Variants in KNDC1 observed in about 807,000 individuals in gnomAD.
KNDC1 encodes the protein kinase non-catalytic C-lobe domain containing 1.
KNDC1 carries 106 observed loss-of-function variants against 172.8 expected under a neutral mutation model. That is an observed-to-expected ratio of 0.61 (90% CI 0.52 to 0.72). The LOEUF is 0.72. Ranked by LOEUF, KNDC1 falls within the 30% of genes least tolerant of loss-of-function variation. KNDC1 has a pLI of 0.00. For synonymous variants in KNDC1, 1,083 were observed against 1,062.2 expected (o/e 1.02, Z -0.38); for missense variants, 2,325 against 2,394.5 (o/e 0.97, Z 0.61).
intron 17 of KNDC1, chr10:133,202,223 G>A (rs1350969800): frequency 4.8e-6 from 3 of 621,492 alleles, no homozygotes; most frequent in Non-Finnish European, 9.0e-6. Flanking sequence ...GCGTTCGGTC[G>A]TGTTTTCCGT....
intron 15 of KNDC1, 107 bp from the exon 16 acceptor site, chr10:133,200,268 A>G (rs1854321802): frequency 2.6e-6 from 2 of 782,390 alleles, no homozygotes; most frequent in Admixed American, 7.8e-5. Flanking sequence ...TGCCGCCTCC[A>G]GCGAGAGCTC....
At position 133,211,523 on chromosome 10, in the gene KNDC1, G is replaced by A. The variant is rs143908656; in HGVS notation, c.4010G>A (p.Arg1337Gln). The change falls in exon 22 of 30, where the codon CGG (arginine) becomes CAG (glutamine). Residue 1337 changes from arginine (R) to glutamine (Q), a missense_variant. Physicochemically the swap from Arg to Gln is conservative, Grantham distance 43. Transcript: ENST00000304613. The part of the protein sequence containing the change: ...VEDCYAVDFP[R>Q]NSGLLGKLED... Reference sequence around the variant, plus strand: ...GACTGCTACGCTGTGGACTTCCCTCGGAACAGCGGGCTGCTGGGGAAGCTA... The same window carrying A: ...GACTGCTACGCTGTGGACTTCCCTCAGAACAGCGGGCTGCTGGGGAAGCTA... 104 of 1,613,880 alleles carry A rather than the reference G, an allele frequency of 6.4e-5. No individual in the cohort carries two copies. Among genetic ancestry groups the A allele is most frequent in the Non-Finnish European group, 8.3e-5 (98 of 1,179,916 alleles).
In KNDC1 at chr10:133,208,354, C is replaced by G. The variant is rs1411769232; in HGVS notation, c.3794+1003C>G. ...AGGACCCTCTAGAGAGGGACGTGGC[C>G]CCCCCAACCCCGTTACCCCAAGGAC... On this transcript the variant is annotated intron_variant, in intron 20 of 29. Coordinates refer to ENST00000304613, the MANE Select transcript of KNDC1 (RefSeq NM_152643.8). Among the ~76,000 whole-genome samples the G allele has an allele frequency of 4.0e-4, 7 of 17,302 alleles. No individual in the cohort carries two copies. The East Asian group carries it at 0.017, about 43-fold the overall frequency. 11.4% of individuals were successfully genotyped at this position (17,302 alleles called of 152,430 possible).
At chr10:133,201,945 T>C in intron 17 of KNDC1, 47 bp downstream of exon 17, 1 of 1,519,546 alleles carries the variant, frequency 6.6e-7, no homozygotes, top group South Asian at 1.2e-5. Flanking sequence ...GGCGTCTCCT[T>C]CCAGCAGAGC....
intron 3 of KNDC1, among the ~76,000 whole-genome samples, chr10:133,180,778 G>A (rs539157504): frequency 1.6e-4 from 24 of 152,362 alleles, no homozygotes; most frequent in African/African-American, 5.3e-4. Context: ...CTACCTCAGC[G>A]GAGAAAGCAT....
intron 3 of KNDC1, among the ~76,000 whole-genome samples, chr10:133,173,727 G>A (rs1340023613): frequency 6.6e-6 from 1 of 152,240 alleles, no homozygotes; most frequent in African/African-American, 2.4e-5. Context: ...CAGAGCAGAG[G>A]TTGCGGTTTT....
In KNDC1 at chr10:133,197,604, G is replaced by A. The variant is rs537360801; in HGVS notation, c.1813-71G>A. On this transcript the variant is annotated intron_variant, in intron 11 of 29. Transcript: ENST00000304613. Reference sequence around the variant, plus strand: ...ACGGCACCGGCGGGTGGTGGGGGACGCCCTGTGGGTGTTGCCGGCGCTGGC... The same window carrying A: ...ACGGCACCGGCGGGTGGTGGGGGACACCCTGTGGGTGTTGCCGGCGCTGGC... 100 of 1,164,458 alleles carry A rather than the reference G, an allele frequency of 8.6e-5. 1 individual carries two copies. Among genetic ancestry groups the A allele is most frequent in the East Asian group, 5.8e-4 (25 of 42,810 alleles). The allele number at this position is 1,164,458 out of a possible 1,614,324, so 72.1% of individuals were successfully genotyped here. A position where few individuals can be genotyped will look rare whatever the true frequency, so the allele number is the denominator to read the frequency against.
chr10:133,175,791 T>G (rs1853518662), intron 3 of KNDC1, among the ~76,000 whole-genome samples: 1 of 150,156 alleles, frequency 6.7e-6, no homozygotes, highest in African/African-American at 2.5e-5. Context: ...GATGGGCTGA[T>G]GGATGGGTAG....
rs548871165 is a variant in KNDC1 at position 133,167,122 on chromosome 10, C to T, written c.103-259C>T. On this transcript the variant is annotated intron_variant, in intron 1 of 29. Coordinates refer to ENST00000304613, the MANE Select transcript of KNDC1 (RefSeq NM_152643.8). Reference sequence around the variant, plus strand: ...TGGCCGAGCCTCCGGGAGGAAGGCCCCGTGCCCAGGCTCCAGGAGCCGACA... The same window carrying T: ...TGGCCGAGCCTCCGGGAGGAAGGCCTCGTGCCCAGGCTCCAGGAGCCGACA... 2.0e-4 allele frequency: 104 copies of T among 532,686 alleles called. No homozygotes were observed. The Middle Eastern group carries it at 2.0e-3, about 10-fold the overall frequency. The allele number at this position is 532,686 out of a possible 1,614,324, so 33.0% of individuals were successfully genotyped here.
At chr10:133,188,405 T>A in intron 6 of KNDC1, 134 bp from the exon 7 acceptor site, 1 of 607,814 alleles carries the variant, frequency 1.6e-6, no homozygotes, top group Non-Finnish European at 3.0e-6. Context: ...CCCTAGCCCT[T>A]CTATCAGGTG....
chr10:133,212,046 A>G (rs979612258), intron 23 of KNDC1, among the ~76,000 whole-genome samples, 188 bp downstream of exon 23: 1 of 152,168 alleles, frequency 6.6e-6, no homozygotes, highest in African/African-American at 2.4e-5. Flanking sequence ...TGCACATCAC[A>G]CACATCCACA....
rs771905104 is a variant in KNDC1, at chr10:133,218,964, C to A, written c.4800+11C>A. 12 of 1,613,762 alleles carry A rather than the reference C, an allele frequency of 7.4e-6. No individual in the cohort carries two copies. The highest frequency in any genetic ancestry group is 9.3e-6 in the Non-Finnish European group (11 of 1,179,896). On this transcript the variant is annotated intron_variant, in intron 27 of 29. Coordinates refer to ENST00000304613, the MANE Select transcript of KNDC1 (RefSeq NM_152643.8). ...GTGAGGCAGTCCCCTGTGCGTCCCC[C>A]TCGGGCCCCAAGGCGGGGGTGGGTA...
At chr10:133,177,981 T>C (rs2135963527) in intron 3 of KNDC1, among the ~76,000 whole-genome samples, 2 of 150,836 alleles carry the variant, frequency 1.3e-5, no homozygotes, top group South Asian at 4.2e-4. Flanking sequence ...CGTGCATGTG[T>C]GTGCAGTGTG....
chr10:133,162,572 C>G (rs1348223013), intron 1 of KNDC1, among the ~76,000 whole-genome samples: 3 of 152,184 alleles, frequency 2.0e-5, no homozygotes, highest in Non-Finnish European at 4.4e-5. Context: ...TGACATGGTC[C>G]CAAAGAAAAT....
intron 10 of KNDC1, 130 bp from the exon 11 acceptor site, chr10:133,196,928 G>A: frequency 1.5e-6 from 1 of 687,522 alleles, no homozygotes. Flanking sequence ...CTGTAGTTGG[G>A]TGTCGGTGAG....
chr10:133,174,355 C>T (rs1367685059), intron 3 of KNDC1: 1 of 151,436 alleles, frequency 6.6e-6, no homozygotes, highest in Non-Finnish European at 1.5e-5. Context: ...ACTTCCAACA[C>T]GGAAGGAAGG....
At chr10:133,166,399 C>T (rs142495777) in intron 1 of KNDC1, among the ~76,000 whole-genome samples, 8 of 152,306 alleles carry the variant, frequency 5.3e-5, no homozygotes, top group Non-Finnish European at 1.2e-4. Flanking sequence ...ATTGTGCAGC[C>T]TTGTGTGTTC....
intron 29 of KNDC1, among the ~76,000 whole-genome samples, chr10:133,222,296 AACTT>A: frequency 6.6e-6 from 1 of 151,714 alleles, no homozygotes. Context: ...AAAAAAAAAA[AACTT>A]AAGGTGATGC....
chr10:133,178,076 G>A (rs1024927214), intron 3 of KNDC1, among the ~76,000 whole-genome samples: 1 of 150,784 alleles, frequency 6.6e-6, no homozygotes, highest in Non-Finnish European at 1.5e-5. Flanking sequence ...GTGCATGTGT[G>A]TGCAGTTTGG....
Sources: allele counts gnomAD v4.1 joint callset (sites outside exome capture counted in the v4.1 genomes callset), GRCh38; gene constraint gnomAD v4.1.1; transcripts MANE v1.5; gene names NCBI Gene and HGNC (gene_info 2026-07-23, HGNC 2026-07-21).